TLK1: variants seen among roughly 807,000 people sequenced by gnomAD.
TLK1 encodes the protein tousled like kinase 1.
A neutral mutation model predicts 105.3 loss-of-function variants in TLK1; 24 were observed. That is an observed-to-expected ratio of 0.23 (90% CI 0.17 to 0.32). The LOEUF (loss-of-function observed/expected upper bound fraction) is 0.32, where lower values mean the gene tolerates loss of function less well. TLK1 is among the 10% of genes least tolerant of loss of function. The probability of loss-of-function intolerance (pLI) is 1.00; values close to 1 mark genes in which losing one functional copy is unlikely to be tolerated. For missense variants in TLK1, 558 were observed against 910.5 expected, an observed-to-expected ratio of 0.61 and a Z score of 4.98; for synonymous variants, 321 against 310.4, an observed-to-expected ratio of 1.03 and a Z score of -0.36.
At chr2:171,077,164 C>T (rs534645139) in intron 3 of TLK1, among the ~76,000 whole-genome samples, 3 of 152,292 alleles carry the variant, frequency 2.0e-5, no homozygotes, top group Admixed American at 6.5e-5. Flanking sequence ...TTCCTTTCAG[C>T]TGATAACCTA....
At chr2:171,025,551 A>T (rs1326955690) in intron 12 of TLK1, among the ~76,000 whole-genome samples, 1 of 152,192 alleles carries the variant, frequency 6.6e-6, no homozygotes, top group Non-Finnish European at 1.5e-5. Context: ...TGCAGGATAC[A>T]AGGGGCGTCA....
At chr2:171,063,564 A>G (rs760415788) in intron 3 of TLK1, among the ~76,000 whole-genome samples, 48 of 152,176 alleles carry the variant, frequency 3.2e-4, no homozygotes, top group Non-Finnish European at 6.6e-4. Context: ...AATAGGGGGG[A>G]AAAACCCATA....
chr2:171,114,465 A>G (rs531697870), intron 2 of TLK1, among the ~76,000 whole-genome samples: 1 of 152,340 alleles, frequency 6.6e-6, no homozygotes, highest in African/African-American at 2.4e-5. Flanking sequence ...CTTTGGAAGA[A>G]TGGTCAAGGA....
rs185906129 is a variant in TLK1, at chr2:171,018,994, G to A, written c.1237-4046C>T. 4.6e-5 allele frequency among the ~76,000 whole-genome samples: 7 copies of A among 152,046 alleles called. No individual in the cohort carries two copies. In the East Asian group the frequency reaches 1.4e-3, roughly 29 times the overall value. ...AATACACACTATAGCTATTTTAACA[G>A]TATTTTAAAATAAAATCTAATACTC... On this transcript the variant is annotated intron_variant, in intron 12 of 20. Transcript: ENST00000431350.
At chr2:171,023,713 A>T (rs1685641880) in intron 12 of TLK1, among the ~76,000 whole-genome samples, 1 of 152,190 alleles carries the variant, frequency 6.6e-6, no homozygotes, top group Non-Finnish European at 1.5e-5. Context: ...AATAACTTGT[A>T]TCTTTTTAAA....
At chr2:171,067,807 C>T (rs1033143324) in intron 3 of TLK1, among the ~76,000 whole-genome samples, 5 of 151,934 alleles carry the variant, frequency 3.3e-5, no homozygotes, top group South Asian at 4.2e-4. Flanking sequence ...TCCCCCCAAC[C>T]GCCCTGCCCC....
intron 1 of TLK1, among the ~76,000 whole-genome samples, chr2:171,135,800 G>A (rs1478166622): frequency 2.0e-5 from 3 of 151,864 alleles, no homozygotes; most frequent in Non-Finnish European, 4.4e-5. Flanking sequence ...AAAAGAAAAA[G>A]ATGCTCAACA....
chr2:171,061,175 C>G lies in TLK1; in HGVS notation c.331-19G>C. 1 of 1,610,758 alleles carries G rather than the reference C, an allele frequency of 6.2e-7. No individual in the cohort carries two copies. The highest frequency in any genetic ancestry group is 2.2e-5 in the East Asian group (1 of 44,722). On this transcript the variant is annotated intron_variant, in intron 3 of 20. Coordinates refer to ENST00000431350, the MANE Select transcript of TLK1 (RefSeq NM_012290.5). ...CCGGTGTCTACAGAAAACAAGATAA[C>G]AGATTTTTAAATGACAGTTTTAATA...
chr2:171,025,081 T>G (rs981415946), intron 12 of TLK1, among the ~76,000 whole-genome samples: 1 of 152,220 alleles, frequency 6.6e-6, no homozygotes, highest in African/African-American at 2.4e-5. Context: ...ATTTTAGCCA[T>G]GTATTTACTT....
chr2:171,054,887 A>T, intron 7 of TLK1, 196 bp downstream of exon 7: 1 of 364,240 alleles, frequency 2.7e-6, no homozygotes, highest in Non-Finnish European at 5.0e-6. Flanking sequence ...TTGTTTAAAA[A>T]GCTGATAGTA....
At chr2:171,115,170 C>CTTTTTTTTTTTTTTTTTTTTTTTTTT (rs373796060) in intron 2 of TLK1, among the ~76,000 whole-genome samples, 1 of 135,770 alleles carries the variant, frequency 7.4e-6, no homozygotes. Flanking sequence ...TTAAGAATTT[C>CTTTTTTTTTTTTTTTTTTTTTTTTTT]TTTCTTTTTT....
rs530481248 is a variant in TLK1, at chr2:171,201,066, TA to T, written c.-6+30078del. On this transcript the variant is annotated intron_variant, in intron 1 of 20. Transcript: ENST00000521943. ...CCAGCTAAGTTTTTTGTATTTTTAG[TA>T]GAGAGGGGGTTTTACCATGTTAGCC... Among the ~76,000 whole-genome samples, 305 of 152,108 alleles carry T rather than the reference TA, an allele frequency of 2.0e-3. 2 individuals carry two copies. The highest frequency in any genetic ancestry group is 7.1e-3 in the African/African-American group (294 of 41,472).
chr2:171,184,657 A>G (rs970195551), intron 1 of TLK1, among the ~76,000 whole-genome samples: 3 of 149,964 alleles, frequency 2.0e-5, no homozygotes, highest in African/African-American at 7.3e-5. Flanking sequence ...AAAAAAAAAA[A>G]AAGAAAGAAA....
chr2:171,010,431 T>C (rs974229447), intron 14 of TLK1, among the ~76,000 whole-genome samples: 1 of 152,144 alleles, frequency 6.6e-6, no homozygotes, highest in African/African-American at 2.4e-5. Context: ...AGGTAAGTCA[T>C]GTATACAAAC....
chr2:171,167,016 C>T (rs944995584), intron 1 of TLK1, among the ~76,000 whole-genome samples: 1 of 152,080 alleles, frequency 6.6e-6, no homozygotes, highest in African/African-American at 2.4e-5. Context: ...TTCAGGAATA[C>T]ATTAAACTAC....
chr2:171,164,241 G>C (rs534415927), upstream of TLK1, among the ~76,000 whole-genome samples: 1 of 152,192 alleles, frequency 6.6e-6, no homozygotes, highest in African/African-American at 2.4e-5. Flanking sequence ...GCAATGGGGA[G>C]TTATTTAAAC....
chr2:171,165,289 A>AG (rs1386797594), upstream of TLK1, among the ~76,000 whole-genome samples: 1 of 152,172 alleles, frequency 6.6e-6, no homozygotes, highest in Non-Finnish European at 1.5e-5. Context: ...GTACAGACCA[A>AG]GGGCTCTGTC....
In TLK1 at chr2:171,073,883, CT is replaced by C. The variant is rs61410020; in HGVS notation, c.330+8897del. Among the ~76,000 whole-genome samples the C allele has an allele frequency of 2.2e-3, 260 of 118,174 alleles. 1 individual carries two copies. Among genetic ancestry groups the C allele is most frequent in the African/African-American group, 7.1e-3 (246 of 34,472 alleles). 77.5% of individuals were successfully genotyped at this position (118,174 alleles called of 152,430 possible). ...AATAAACTTAACATTCCCCCCCCCC[CT>C]CCTTTTTTTTTCTTTCTTTTTTTTG... is the stretch of plus-strand genomic sequence containing the variant. On this transcript the variant is annotated intron_variant, in intron 3 of 20. Coordinates refer to ENST00000431350, the MANE Select transcript of TLK1 (RefSeq NM_012290.5).
intron 1 of TLK1, among the ~76,000 whole-genome samples, chr2:171,148,397 A>T (rs1323319568): frequency 6.7e-6 from 1 of 149,286 alleles, no homozygotes; most frequent in Non-Finnish European, 1.5e-5. Context: ...TTTTTCAATC[A>T]CTTCTCATCT....
Sources: gnomAD v4.1 joint callset for allele counts (sites outside exome capture counted in the v4.1 genomes callset) on GRCh38, gnomAD v4.1.1 for gene constraint, MANE v1.5 for transcripts, NCBI Gene and HGNC (gene_info 2026-07-23, HGNC 2026-07-21) for gene names.